Variants in RIC8B observed in about 807,000 individuals in gnomAD.
The protein encoded by RIC8B is RIC8 guanine nucleotide exchange factor B, also known as chaperone Ric-8B.
A neutral mutation model predicts 57.5 loss-of-function variants in RIC8B; 16 were observed. The ratio of observed to expected loss-of-function variants is 0.28; its 90% confidence interval spans 0.19 to 0.42. The LOEUF is 0.42. RIC8B is among the 10% of genes least tolerant of loss of function. The pLI is 1.00. For missense variants in RIC8B, 481 were observed against 677.0 expected (o/e 0.71, Z 3.21); for synonymous variants, 216 against 250.8 (o/e 0.86, Z 1.31).
At chr12:106,839,408 G>T (rs1173495024) in intron 4 of RIC8B, among the ~76,000 whole-genome samples, 82 of 152,310 alleles carry the variant, frequency 5.4e-4, no homozygotes, top group Non-Finnish European at 1.0e-3. Context: ...GGTGGATCTG[G>T]AGGGCATTAT....
chr12:106,848,986 G>A (rs1234512780), intron 6 of RIC8B, among the ~76,000 whole-genome samples: 3 of 152,068 alleles, frequency 2.0e-5, no homozygotes, highest in East Asian at 1.9e-4. Context: ...GGGGAGTGGC[G>A]GGAGAATGAG....
intron 2 of RIC8B, among the ~76,000 whole-genome samples, chr12:106,808,012 G>C (rs1000817800): frequency 6.6e-6 from 1 of 151,530 alleles, no homozygotes; most frequent in African/African-American, 2.4e-5. Context: ...TTGAACCTGG[G>C]AGGCGGAGGT....
chr12:106,794,242 C>CA (rs2044377845), intron 2 of RIC8B, among the ~76,000 whole-genome samples: 1 of 151,842 alleles, frequency 6.6e-6, no homozygotes, highest in South Asian at 2.1e-4. Context: ...GAAGACACAG[C>CA]AATAGAGAAT....
intron 2 of RIC8B, among the ~76,000 whole-genome samples, chr12:106,810,273 C>G (rs2045277773): frequency 7.0e-6 from 1 of 142,542 alleles, no homozygotes; most frequent in Admixed American, 7.2e-5. Flanking sequence ...TAAGAAGTGT[C>G]TAAATCATAC....
intron 3 of RIC8B, among the ~76,000 whole-genome samples, chr12:106,816,489 A>C (rs972484929): frequency 6.6e-6 from 1 of 152,234 alleles, no homozygotes; most frequent in Admixed American, 6.5e-5. Context: ...CCATTTATGC[A>C]TTGAAACCAA....
At chr12:106,780,454 A>C (rs2043714846) in intron 1 of RIC8B, among the ~76,000 whole-genome samples, 1 of 152,178 alleles carries the variant, frequency 6.6e-6, no homozygotes, top group African/African-American at 2.4e-5. Context: ...TAGAAACCTG[A>C]TATTGGGACA....
intron 9 of RIC8B, among the ~76,000 whole-genome samples, chr12:106,876,542 A>C (rs990840254): frequency 1.3e-5 from 2 of 152,102 alleles, no homozygotes; most frequent in African/African-American, 4.8e-5. Flanking sequence ...AAACACCTTA[A>C]GGTGTCAGGG....
chr12:106,863,417 T>C (rs560259892), intron 8 of RIC8B, among the ~76,000 whole-genome samples: 28 of 152,294 alleles, frequency 1.8e-4, no homozygotes, highest in African/African-American at 6.7e-4. Flanking sequence ...GCTGTAGCTA[T>C]GCCACCAGCT....
intron 9 of RIC8B, among the ~76,000 whole-genome samples, chr12:106,884,658 C>T (rs1951095734): frequency 6.6e-6 from 1 of 152,194 alleles, no homozygotes; most frequent in Non-Finnish European, 1.5e-5. Flanking sequence ...ATTTCCCAAG[C>T]AAAGCTTTCA....
intron 2 of RIC8B, among the ~76,000 whole-genome samples, chr12:106,791,508 G>C (rs1030524858): frequency 2.6e-5 from 4 of 152,142 alleles, no homozygotes; most frequent in Non-Finnish European, 2.9e-5. Flanking sequence ...CTCTTACTCA[G>C]TTTGGGGCAG....
Position 106,824,381 on chromosome 12 carries a change from C to G in RIC8B, c.742-1345C>G, listed in dbSNP as rs368985295. Among the ~76,000 whole-genome samples, 32 of 152,158 alleles carry G rather than the reference C, an allele frequency of 2.1e-4. No individual in the cohort carries two copies. In the East Asian group the frequency reaches 5.4e-3, roughly 26 times the overall value. On this transcript the variant is annotated intron_variant, in intron 3 of 9. Coordinates refer to ENST00000392837, the MANE Select transcript of RIC8B (RefSeq NM_001330145.2). ...TGCAGTGCCTTTATTTCAGTTAGGC[C>G]ACTGAGGCCCTCTTCTCATCCAGCT... is the stretch of plus-strand genomic sequence containing the variant.
rs115999434 is a variant in RIC8B, at chr12:106,841,307, C to T, written c.837-1282C>T. ...ATTTTTTTGATGCCCTATACATTAC[C>T]ACTTTCTGTTCTGCATTGTCTAACT... On this transcript the variant is annotated intron_variant, in intron 4 of 9. Transcript: ENST00000392837. Among the ~76,000 whole-genome samples the T allele has an allele frequency of 7.3e-3, 1,107 of 152,224 alleles. 14 individuals are homozygous for T. Among genetic ancestry groups the T allele is most frequent in the African/African-American group, 0.026 (1,067 of 41,528 alleles).
Position 106,880,873 on chromosome 12 carries a change from T to G in RIC8B, c.1572-5031T>G, listed in dbSNP as rs191289410. Among the ~76,000 whole-genome samples the G allele has an allele frequency of 2.3e-4, 35 of 152,252 alleles. No individual in the cohort carries two copies. The East Asian group carries it at 6.6e-3, about 29-fold the overall frequency. On this transcript the variant is annotated intron_variant, in intron 9 of 9. Transcript: ENST00000392837. ...TCTCTGGAAAGCATTATACAGAATT[T>G]CCTGTGGAATGTTAATCCTGTTTCT...
intron 2 of RIC8B, among the ~76,000 whole-genome samples, chr12:106,809,541 A>G (rs1464263141): frequency 7.1e-6 from 1 of 141,124 alleles, no homozygotes; most frequent in Non-Finnish European, 1.6e-5. Flanking sequence ...AAAAAAAAAA[A>G]AAAAGAATTG....
intron 2 of RIC8B, among the ~76,000 whole-genome samples, chr12:106,795,215 T>C (rs1478050260): frequency 6.6e-6 from 1 of 152,188 alleles, no homozygotes; most frequent in Non-Finnish European, 1.5e-5. Flanking sequence ...GTAATTTTTA[T>C]AGATGTATAT....
chr12:106,855,070 C>T (rs1429241073), intron 7 of RIC8B, among the ~76,000 whole-genome samples: 3 of 152,202 alleles, frequency 2.0e-5, no homozygotes, highest in Non-Finnish European at 4.4e-5. Flanking sequence ...GTAAAATAAT[C>T]TGCCTTGGTA....
intron 4 of RIC8B, among the ~76,000 whole-genome samples, chr12:106,841,142 A>G (rs528350542): frequency 1.3e-5 from 2 of 152,218 alleles, no homozygotes; most frequent in Admixed American, 6.5e-5. Context: ...TTATTTACCA[A>G]TAACCAAATA....
intron 7 of RIC8B, among the ~76,000 whole-genome samples, chr12:106,855,311 G>A (rs1043385268): frequency 6.6e-6 from 1 of 152,140 alleles, no homozygotes; most frequent in East Asian, 1.9e-4. Flanking sequence ...TCCTGTGTTT[G>A]CAGAAGTGTT....
chr12:106,868,320 A>G lies in RIC8B; in HGVS notation c.1452-2503A>G, dbSNP rs559313833. 303 of 456,932 alleles carry G rather than the reference A, an allele frequency of 6.6e-4. 1 individual carries two copies. Among genetic ancestry groups the G allele is most frequent in the Admixed American group, 1.9e-3 (80 of 42,582 alleles). 28.3% of individuals were successfully genotyped at this position (456,932 alleles called of 1,614,324 possible). A position where few individuals can be genotyped will look rare whatever the true frequency, so the allele number is the denominator to read the frequency against. ...TTACAGCTCCATTGAATTTGAGGAG[A>G]GAAGCCATCTCTCAAGAGGCAAATA... On this transcript the variant is annotated intron_variant, in intron 8 of 9. Coordinates refer to ENST00000392837, the MANE Select transcript of RIC8B (RefSeq NM_001330145.2).
Sources: gnomAD v4.1 joint callset for allele counts (sites outside exome capture counted in the v4.1 genomes callset) on GRCh38, gnomAD v4.1.1 for gene constraint, MANE v1.5 for transcripts, NCBI Gene and HGNC (gene_info 2026-07-23, HGNC 2026-07-21) for gene names.